LHFPL6: variants seen among roughly 807,000 people sequenced by gnomAD.
The protein encoded by LHFPL6 is LHFPL tetraspan subfamily member 6, also known as LHFPL tetraspan subfamily member 6 protein.
In LHFPL6, 9 loss-of-function variants were observed where a neutral mutation model predicts 20.6. That is an observed-to-expected ratio of 0.44 (90% CI 0.26 to 0.76). The LOEUF (loss-of-function observed/expected upper bound fraction) is 0.76. LHFPL6 is among the 30% of genes least tolerant of loss of function. LHFPL6 has a pLI of 0.20. For missense variants in LHFPL6, 218 were observed against 253.5 expected (o/e 0.86, Z 0.95); for synonymous variants, 105 against 98.7 (o/e 1.06, Z -0.38).
Position 39,421,376 on chromosome 13 carries a change from G to A in LHFPL6, c.386-42850C>T, listed in dbSNP as rs184707394. Among the ~76,000 whole-genome samples, 138 of 152,164 alleles carry A rather than the reference G, an allele frequency of 9.1e-4. 1 individual carries two copies. The highest frequency in any genetic ancestry group is 6.8e-3 in the Middle Eastern group (2 of 294). On this transcript the variant is annotated intron_variant, in intron 2 of 3. Transcript: ENST00000379589. ...TGAATTCTACAACTTGAAGTCTTAGGTTCATAACACAACAAACACACACAT... is the reference window on the plus strand; with the variant it reads ...TGAATTCTACAACTTGAAGTCTTAGATTCATAACACAACAAACACACACAT...
intron 2 of LHFPL6, among the ~76,000 whole-genome samples, chr13:39,402,758 T>G (rs1194292057): frequency 6.6e-6 from 1 of 152,130 alleles, no homozygotes; most frequent in Non-Finnish European, 1.5e-5. Context: ...TAGCTGGAAA[T>G]GGAGAAGGCT....
intron 2 of LHFPL6, among the ~76,000 whole-genome samples, chr13:39,460,200 A>C (rs973703085): frequency 2.6e-5 from 4 of 152,218 alleles, no homozygotes; most frequent in African/African-American, 9.6e-5. Flanking sequence ...CAACCCATAA[A>C]ACATGACAGG....
At chr13:39,502,258 T>C (rs1869316719) in intron 2 of LHFPL6, among the ~76,000 whole-genome samples, 1 of 152,150 alleles carries the variant, frequency 6.6e-6, no homozygotes, top group Non-Finnish European at 1.5e-5. Flanking sequence ...CTCAGATTTT[T>C]CAAAAAATCA....
chr13:39,367,982 CAGG>C (rs905893420), intron 3 of LHFPL6, among the ~76,000 whole-genome samples: 1 of 152,198 alleles, frequency 6.6e-6, no homozygotes, highest in Non-Finnish European at 1.5e-5. Context: ...GACCCCAAAT[CAGG>C]AGGTTAAAAA....
intron 2 of LHFPL6, among the ~76,000 whole-genome samples, chr13:39,400,865 A>G (rs1266847540): frequency 1.3e-5 from 2 of 149,956 alleles, no homozygotes; most frequent in Non-Finnish European, 3.0e-5. Flanking sequence ...AATGCCTGTT[A>G]GCATCAACTA....
At chr13:39,550,884 A>AT (rs960078276) in intron 2 of LHFPL6, among the ~76,000 whole-genome samples, 3 of 152,112 alleles carry the variant, frequency 2.0e-5, no homozygotes, top group Non-Finnish European at 4.4e-5. Context: ...GGAAAGTTGT[A>AT]TTTTTTTAAA....
intron 2 of LHFPL6, among the ~76,000 whole-genome samples, chr13:39,496,943 T>G (rs1049577308): frequency 6.6e-6 from 1 of 152,146 alleles, no homozygotes; most frequent in Non-Finnish European, 1.5e-5. Context: ...GGTGGCTCCA[T>G]GAAACCTCTG....
At chr13:39,588,392 A>G (rs1253478789) in intron 2 of LHFPL6, among the ~76,000 whole-genome samples, 1 of 152,234 alleles carries the variant, frequency 6.6e-6, no homozygotes, top group Non-Finnish European at 1.5e-5. Flanking sequence ...GGTATTTCCC[A>G]AAGTTTGTTC....
chr13:39,484,777 G>A (rs75171078), intron 2 of LHFPL6, among the ~76,000 whole-genome samples: 2,057 of 152,190 alleles, frequency 0.014, 44 homozygotes, highest in African/African-American at 0.048. Flanking sequence ...TCTCACTTGC[G>A]GAGGGGGATG....
chr13:39,521,034 G>A (rs1178158043), intron 2 of LHFPL6, among the ~76,000 whole-genome samples: 1 of 152,142 alleles, frequency 6.6e-6, no homozygotes, highest in African/African-American at 2.4e-5. Flanking sequence ...GAAAACACAG[G>A]TCCATGTCAA....
At chr13:39,515,395 A>T (rs2138479791) in intron 2 of LHFPL6, among the ~76,000 whole-genome samples, 1 of 152,328 alleles carries the variant, frequency 6.6e-6, no homozygotes, top group Middle Eastern at 3.4e-3. Context: ...TGCATTTTAC[A>T]ACATATGATC....
intron 2 of LHFPL6, among the ~76,000 whole-genome samples, chr13:39,419,913 C>T (rs550249372): frequency 1.7e-4 from 26 of 152,150 alleles, no homozygotes; most frequent in African/African-American, 6.0e-4. Context: ...TAATAAGATA[C>T]ATATTTCTTT....
chr13:39,401,965 T>C (rs17059807), intron 2 of LHFPL6, among the ~76,000 whole-genome samples: 2,131 of 152,230 alleles, frequency 0.014, 59 homozygotes, highest in African/African-American at 0.049. Flanking sequence ...TTTAGACAGA[T>C]GTATACCGTC....
intron 2 of LHFPL6, among the ~76,000 whole-genome samples, chr13:39,572,131 C>T (rs990539709): frequency 6.6e-6 from 1 of 152,196 alleles, no homozygotes; most frequent in Admixed American, 6.5e-5. Flanking sequence ...TTGTGTCCTA[C>T]ATAAGTAGCA....
intron 2 of LHFPL6, among the ~76,000 whole-genome samples, chr13:39,408,516 T>C (rs1049372202): frequency 1.3e-5 from 2 of 152,234 alleles, no homozygotes; most frequent in Non-Finnish European, 2.9e-5. Context: ...TCCCAGTTCT[T>C]ATTACAGGAA....
chr13:39,493,877 T>A (rs9576825), intron 2 of LHFPL6, among the ~76,000 whole-genome samples: 4 of 152,130 alleles, frequency 2.6e-5, no homozygotes, highest in Admixed American at 2.6e-4. Flanking sequence ...TTTCTCTCTA[T>A]TTTTATATAG....
At chr13:39,524,164 C>A (rs1010324407) in intron 2 of LHFPL6, among the ~76,000 whole-genome samples, 1 of 152,060 alleles carries the variant, frequency 6.6e-6, no homozygotes, top group Non-Finnish European at 1.5e-5. Flanking sequence ...AATGCCACTG[C>A]GCTCAAGAAG....
intron 2 of LHFPL6, among the ~76,000 whole-genome samples, chr13:39,581,597 C>CT (rs36025782): frequency 1.8e-3 from 260 of 141,118 alleles, no homozygotes; most frequent in African/African-American, 6.3e-3. Context: ...CTCTCTCTCT[C>CT]TTTTTTTTTT....
At chr13:39,371,508 G>A (rs1025151873) in intron 3 of LHFPL6, among the ~76,000 whole-genome samples, 2 of 152,128 alleles carry the variant, frequency 1.3e-5, no homozygotes, top group African/African-American at 4.8e-5. Flanking sequence ...TTTATTATGT[G>A]CCAGATGCTG....
Sources: allele counts gnomAD v4.1 joint callset (sites outside exome capture counted in the v4.1 genomes callset), GRCh38; gene constraint gnomAD v4.1.1; transcripts MANE v1.5; gene names NCBI Gene and HGNC (gene_info 2026-07-23, HGNC 2026-07-21).